The following MYT1L variants were observed in gnomAD, a reference collection of about 807,000 sequenced individuals.
The protein encoded by MYT1L is myelin transcription factor 1 like.
A neutral mutation model predicts 126.7 loss-of-function variants in MYT1L; 12 were observed. The ratio of observed to expected loss-of-function variants is 0.09; its 90% CI spans 0.06 to 0.15. The LOEUF (loss-of-function observed/expected upper bound fraction) is 0.15. Among genes scored for constraint, MYT1L ranks in the 10% least tolerant of loss-of-function variants. MYT1L has a pLI of 1.00. For missense variants in MYT1L, 979 were observed against 1,585.2 expected, an observed-to-expected ratio of 0.62 and a Z score of 6.49; for synonymous variants, 541 against 604.2, an observed-to-expected ratio of 0.90 and a Z score of 1.53.
intron 3 of MYT1L, among the ~76,000 whole-genome samples, chr2:2,151,715 T>C (rs1010805296): frequency 3.3e-5 from 5 of 152,118 alleles, no homozygotes; most frequent in African/African-American, 1.2e-4. Flanking sequence ...TTAGGCACAG[T>C]AAAAGATTAA....
chr2:1,899,210 C>T (rs377145484), intron 14 of MYT1L, among the ~76,000 whole-genome samples: 10 of 152,170 alleles, frequency 6.6e-5, no homozygotes, highest in East Asian at 1.9e-4. Context: ...GGGAACTGCG[C>T]GATTGTTTTT....
chr2:2,271,316 T>C (rs1206948013), intron 2 of MYT1L, among the ~76,000 whole-genome samples: 2 of 152,236 alleles, frequency 1.3e-5, no homozygotes, highest in African/African-American at 4.8e-5. Context: ...TGGAGCTCTC[T>C]CATTTTGTTT....
At chr2:1,958,573 T>G (rs1393334827) in intron 8 of MYT1L, among the ~76,000 whole-genome samples, 1 of 152,144 alleles carries the variant, frequency 6.6e-6, no homozygotes. Context: ...TGTCTCAGGG[T>G]CCTCTGGGCA....
At chr2:2,109,094 G>A (rs1436182565) in intron 3 of MYT1L, among the ~76,000 whole-genome samples, 1 of 152,184 alleles carries the variant, frequency 6.6e-6, no homozygotes, top group African/African-American at 2.4e-5. Context: ...TCTTCACTGA[G>A]GTCAAAACTG....
intron 18 of MYT1L, among the ~76,000 whole-genome samples, chr2:1,871,475 GTGGGACCCCACA>G (rs2046283606): frequency 6.6e-6 from 1 of 152,236 alleles, no homozygotes; most frequent in East Asian, 1.9e-4. Flanking sequence ...GCGTGCCCCT[GTGGGACCCCACA>G]TGAGTCCAGT....
At chr2:2,173,880 A>T (rs977035093) in intron 2 of MYT1L, among the ~76,000 whole-genome samples, 1 of 152,214 alleles carries the variant, frequency 6.6e-6, no homozygotes, top group Non-Finnish European at 1.5e-5. Context: ...CATTACCATA[A>T]ATCCTCTAAC....
intron 5 of MYT1L, among the ~76,000 whole-genome samples, chr2:1,991,337 T>C (rs1406651962): frequency 6.6e-6 from 1 of 152,140 alleles, no homozygotes; most frequent in Non-Finnish European, 1.5e-5. Context: ...ACTCTGCTAC[T>C]CTGGCTGGAG....
chr2:2,184,683 C>A (rs539876756), intron 2 of MYT1L, among the ~76,000 whole-genome samples: 1 of 152,292 alleles, frequency 6.6e-6, no homozygotes, highest in Admixed American at 6.5e-5. Context: ...CGCACGCCCA[C>A]CAATGGGCTG....
chr2:1,823,579 G>A (rs2038872494), intron 21 of MYT1L, among the ~76,000 whole-genome samples: 1 of 152,182 alleles, frequency 6.6e-6, no homozygotes, highest in Non-Finnish European at 1.5e-5. Flanking sequence ...CAGTGACGAG[G>A]CTGGGTGCCT....
intron 3 of MYT1L, among the ~76,000 whole-genome samples, chr2:2,101,538 C>T (rs961430547): frequency 1.4e-4 from 22 of 152,022 alleles, no homozygotes; most frequent in Admixed American, 1.1e-3. Context: ...GCAACCCAGC[C>T]ACCCATCCAT....
chr2:2,186,919 C>T (rs986519973), intron 2 of MYT1L, among the ~76,000 whole-genome samples: 3 of 152,184 alleles, frequency 2.0e-5, no homozygotes, highest in South Asian at 4.1e-4. Flanking sequence ...TGTGCAATAT[C>T]ATCTTCTGAA....
intron 18 of MYT1L, among the ~76,000 whole-genome samples, chr2:1,878,499 C>A (rs1335828561): frequency 6.6e-6 from 1 of 152,104 alleles, no homozygotes; most frequent in Non-Finnish European, 1.5e-5. Flanking sequence ...AAAAACCACA[C>A]AAAGAACAAT....
chr2:1,956,676 T>A (rs573597449), intron 8 of MYT1L, among the ~76,000 whole-genome samples: 1 of 152,072 alleles, frequency 6.6e-6, no homozygotes, highest in East Asian at 1.9e-4. Flanking sequence ...TCTATCATCA[T>A]CATCATGATT....
intron 9 of MYT1L, among the ~76,000 whole-genome samples, chr2:1,934,904 T>C (rs2055644901): frequency 6.6e-6 from 1 of 152,136 alleles, no homozygotes; most frequent in South Asian, 2.1e-4. Context: ...GTTCTTCTGT[T>C]TTCCAGAATG....
chr2:2,097,502 C>T (rs901123595), intron 3 of MYT1L, among the ~76,000 whole-genome samples: 1 of 152,186 alleles, frequency 6.6e-6, no homozygotes, highest in African/African-American at 2.4e-5. Flanking sequence ...CATTAGGCCA[C>T]ACACAAGATT....
intron 8 of MYT1L, among the ~76,000 whole-genome samples, chr2:1,966,247 A>C (rs960243916): frequency 2.0e-5 from 3 of 152,256 alleles, no homozygotes; most frequent in Non-Finnish European, 2.9e-5. Context: ...CACAGGAAGA[A>C]ACAGGCATCG....
intron 2 of MYT1L, among the ~76,000 whole-genome samples, chr2:2,208,444 T>C (rs2093390069): frequency 6.6e-6 from 1 of 152,118 alleles, no homozygotes; most frequent in Non-Finnish European, 1.5e-5. Context: ...CCCACCCTCA[T>C]GTGCAAGCAG....
chr2:1,885,742 T>C (rs372443528), intron 18 of MYT1L, among the ~76,000 whole-genome samples: 24 of 152,312 alleles, frequency 1.6e-4, no homozygotes, highest in Admixed American at 5.2e-4. Context: ...CTGGCTCTCA[T>C]CTCGCTGTGA....
At chr2:1,978,278 G>A (rs2060334410) in intron 8 of MYT1L, among the ~76,000 whole-genome samples, 1 of 152,204 alleles carries the variant, frequency 6.6e-6, no homozygotes, top group Admixed American at 6.5e-5. Context: ...TTTGTGACCT[G>A]GGTCTGCTCA....
Sources: gnomAD v4.1 joint callset for allele counts (sites outside exome capture counted in the v4.1 genomes callset) on GRCh38, gnomAD v4.1.1 for gene constraint, MANE v1.5 for transcripts, NCBI Gene and HGNC (gene_info 2026-07-23, HGNC 2026-07-21) for gene names.